Variants in CCDC141 observed in about 807,000 individuals in gnomAD.
CCDC141 encodes coiled-coil domain containing 141.
Under a neutral mutation model 181.0 loss-of-function variants are expected in CCDC141, and 168 were observed. The observed-to-expected ratio is 0.93, with a 90% confidence interval of 0.82 to 1.05. The LOEUF is 1.05. Ranked by LOEUF, CCDC141 falls within the 50% of genes least tolerant of loss-of-function variation. CCDC141 has a pLI of 0.00. For missense variants in CCDC141, 1,902 were observed against 1,788.5 expected (o/e 1.06, Z -1.14); for synonymous variants, 666 against 642.3 (o/e 1.04, Z -0.56).
At chr2:178,869,522 G>C (rs564266828) in intron 14 of CCDC141, among the ~76,000 whole-genome samples, 3 of 152,156 alleles carry the variant, frequency 2.0e-5, no homozygotes, top group Non-Finnish European at 1.5e-5. Flanking sequence ...AAAATAGCAT[G>C]AGCAATGCAA....
At chr2:178,958,699 G>A (rs1575267640) in intron 5 of CCDC141, among the ~76,000 whole-genome samples, 2 of 76,694 alleles carry the variant, frequency 2.6e-5, no homozygotes, top group African/African-American at 4.4e-5. Flanking sequence ...AAATTTTCAG[G>A]TGATTTTTTC....
intron 2 of CCDC141, among the ~76,000 whole-genome samples, chr2:179,025,598 G>A (rs1294158638): frequency 1.3e-5 from 2 of 152,206 alleles, no homozygotes; most frequent in African/African-American, 4.8e-5. Context: ...TCTTGGGTAT[G>A]TCTTTATCAG....
chr2:178,892,171 T>G (rs1425082336), intron 8 of CCDC141, among the ~76,000 whole-genome samples: 1 of 152,174 alleles, frequency 6.6e-6, no homozygotes, highest in African/African-American at 2.4e-5. Flanking sequence ...TTCTTTGGTA[T>G]GCTTTAGCAT....
At chr2:179,035,993 T>A (rs7581299) in intron 2 of CCDC141, among the ~76,000 whole-genome samples, 2 of 152,052 alleles carry the variant, frequency 1.3e-5, no homozygotes, top group Non-Finnish European at 2.9e-5. Flanking sequence ...AGCCAGGTTC[T>A]GTTCCTTGCA....
At chr2:178,861,990 T>C (rs1685640800) in intron 17 of CCDC141, among the ~76,000 whole-genome samples, 1 of 152,218 alleles carries the variant, frequency 6.6e-6, no homozygotes, top group Non-Finnish European at 1.5e-5. Context: ...TAGCAGTCCA[T>C]GGTCATTTTG....
At chr2:178,897,262 T>A (rs1431165163) in intron 8 of CCDC141, among the ~76,000 whole-genome samples, 1 of 152,208 alleles carries the variant, frequency 6.6e-6, no homozygotes, top group African/African-American at 2.4e-5. Flanking sequence ...ACACTTCACC[T>A]GTCACATTCG....
intron 4 of CCDC141, among the ~76,000 whole-genome samples, chr2:178,963,095 G>A (rs1172580908): frequency 1.3e-5 from 2 of 152,216 alleles, no homozygotes; most frequent in African/African-American, 4.8e-5. Context: ...CAGGAAATTT[G>A]CAATCATTTT....
intron 4 of CCDC141, among the ~76,000 whole-genome samples, chr2:178,973,363 G>T (rs567407959): frequency 6.6e-6 from 1 of 152,244 alleles, no homozygotes; most frequent in African/African-American, 2.4e-5. Flanking sequence ...CAAGATGGAA[G>T]AATATTTTTT....
chr2:178,902,955 C>A (rs1471890646), intron 8 of CCDC141, among the ~76,000 whole-genome samples: 1 of 148,912 alleles, frequency 6.7e-6, no homozygotes, highest in African/African-American at 2.4e-5. Context: ...AGGACATGAA[C>A]AGACACTTCT....
intron 2 of CCDC141, among the ~76,000 whole-genome samples, chr2:179,041,427 A>T (rs2043299062): frequency 8.5e-6 from 1 of 117,160 alleles, no homozygotes; most frequent in South Asian, 3.1e-4. Flanking sequence ...GGCTGCATGT[A>T]TGTCTTCTTT....
intron 8 of CCDC141, among the ~76,000 whole-genome samples, chr2:178,902,421 G>A (rs1687743736): frequency 6.6e-6 from 1 of 152,076 alleles, no homozygotes; most frequent in Non-Finnish European, 1.5e-5. Flanking sequence ...TAGATCAATG[G>A]AACAGAACAG....
chr2:178,958,878 C>CTTT (rs757650351), intron 5 of CCDC141, among the ~76,000 whole-genome samples: 1 of 132,264 alleles, frequency 7.6e-6, no homozygotes, highest in Non-Finnish European at 1.6e-5. Flanking sequence ...CTTTGATGAG[C>CTTT]TTTTTTTTTT....
rs1398065288 is a variant in CCDC141 at position 178,869,209 on chromosome 2, G to A, written c.2302C>T (p.Leu768Phe). Residue 768 changes from leucine to phenylalanine, a missense_variant, in exon 15 of 24, where the codon CTT (leucine) becomes TTT (phenylalanine). Physicochemically the swap from Leu to Phe is conservative, Grantham distance 22 (BLOSUM62 0). Transcript: ENST00000443758. ...TTCTGTTTTTGATGGAAGTGAATAA[G>A]GTCCTTCAGTTGTTGAGACTTTTCT... ...VKEKSQQLKD[L>F]IHFHQKQKER... The A allele has an allele frequency of 6.2e-7, 1 of 1,613,532 alleles. No individual in the cohort carries two copies. Among genetic ancestry groups the A allele is most frequent in the Non-Finnish European group, 8.5e-7 (1 of 1,179,678 alleles).
intron 2 of CCDC141, among the ~76,000 whole-genome samples, chr2:179,030,131 T>C (rs907174801): frequency 2.0e-5 from 3 of 152,090 alleles, no homozygotes; most frequent in African/African-American, 7.2e-5. Flanking sequence ...CTTTGCTTGT[T>C]ATTCAGAACT....
intron 8 of CCDC141, among the ~76,000 whole-genome samples, chr2:178,891,662 C>G (rs1687156991): frequency 6.6e-6 from 1 of 152,050 alleles, no homozygotes; most frequent in Non-Finnish European, 1.5e-5. Flanking sequence ...GAAGGTCCCT[C>G]CAGCACAAAA....
intron 8 of CCDC141, among the ~76,000 whole-genome samples, chr2:178,905,009 A>C (rs777863262): frequency 6.6e-6 from 1 of 152,192 alleles, no homozygotes; most frequent in Non-Finnish European, 1.5e-5. Flanking sequence ...TATTCCATAA[A>C]GATGCTAGGG....
chr2:178,840,516 G>A (rs1684676276), intron 22 of CCDC141, among the ~76,000 whole-genome samples: 1 of 152,194 alleles, frequency 6.6e-6, no homozygotes, highest in Admixed American at 6.5e-5. Context: ...TTGGAAGAAG[G>A]TACTGAGCAT....
At position 178,846,090 on chromosome 2, in the gene CCDC141, A is replaced by C. The variant is rs181254872; in HGVS notation, c.3358-348T>G. On this transcript the variant is annotated intron_variant, in intron 21 of 23. Transcript: ENST00000443758. ...AAACCATTAGGAGAGTCTGGGGAGC[A>C]GCAGTGAGGTAGAAATGATTAAAGA... Among the ~76,000 whole-genome samples the C allele has an allele frequency of 2.0e-3, 308 of 152,294 alleles. 8 individuals carry two copies. The South Asian group carries it at 0.025, about 12-fold the overall frequency.
At chr2:178,998,570 G>A (rs1194007806) in intron 2 of CCDC141, among the ~76,000 whole-genome samples, 1 of 151,764 alleles carries the variant, frequency 6.6e-6, no homozygotes, top group African/African-American at 2.4e-5. Flanking sequence ...TTCTTGTATA[G>A]GTCTATATGA....
Sources: allele counts gnomAD v4.1 joint callset (sites outside exome capture counted in the v4.1 genomes callset), GRCh38; gene constraint gnomAD v4.1.1; transcripts MANE v1.5; gene names NCBI Gene and HGNC (gene_info 2026-07-23, HGNC 2026-07-21).